Variants in RPSA2 observed in about 807,000 individuals in gnomAD.
The protein encoded by RPSA2 is small ribosomal subunit protein uS2B.
At chr19:23,796,108 C>T in the RPSA2 span, among the ~76,000 whole-genome samples, 11 of 152,164 alleles carry the variant, frequency 7.2e-5, no homozygotes, top group African/African-American at 2.7e-4. Context: ...GAGAGTTTGT[C>T]ATAAATAACT....
chr19:23,861,975 C>G, the RPSA2 span, among the ~76,000 whole-genome samples: 33 of 152,150 alleles, frequency 2.2e-4, no homozygotes, highest in Non-Finnish European at 1.3e-4. Context: ...GAAGCACAGT[C>G]CTTTTTCATG....
the RPSA2 span, chr19:23,808,954 T>G: frequency 8.0e-6 from 2 of 248,974 alleles, no homozygotes; most frequent in South Asian, 5.1e-5. Context: ...AATTATACTC[T>G]CACGTAGGGG....
the RPSA2 span, among the ~76,000 whole-genome samples, chr19:23,801,646 C>A: frequency 0.022 from 3,334 of 152,200 alleles, 130 homozygotes; most frequent in African/African-American, 0.076. Context: ...TTCACTATTG[C>A]CAAAAGTAGG....
chr19:23,795,729 G>C, the RPSA2 span, among the ~76,000 whole-genome samples: 4 of 152,104 alleles, frequency 2.6e-5, no homozygotes, highest in African/African-American at 4.8e-5. Context: ...TTGAGAGAAG[G>C]CATCTTTGCC....
the RPSA2 span, among the ~76,000 whole-genome samples, chr19:23,815,646 C>T: frequency 3.3e-5 from 5 of 152,140 alleles, no homozygotes; most frequent in Non-Finnish European, 7.4e-5. Context: ...AGGTATTCCT[C>T]TATATGCAAA....
chr19:23,763,724 C>T, the RPSA2 span, among the ~76,000 whole-genome samples: 1 of 152,148 alleles, frequency 6.6e-6, no homozygotes, highest in Non-Finnish European at 1.5e-5. Flanking sequence ...GCCTTGGCCC[C>T]CCAAAGTGCT....
chr19:23,770,930 C>T, the RPSA2 span, among the ~76,000 whole-genome samples: 1,072 of 152,268 alleles, frequency 7.0e-3, 12 homozygotes, highest in African/African-American at 0.024. Flanking sequence ...TGATGCATAT[C>T]TTATCCAAAC....
the RPSA2 span, among the ~76,000 whole-genome samples, chr19:23,852,345 GACACACAC>G: frequency 1.3e-5 from 2 of 151,526 alleles, no homozygotes; most frequent in African/African-American, 2.4e-5. Flanking sequence ...AGGAATTAAA[GACACACAC>G]ACACACACAC....
At chr19:23,794,882 C>T in the RPSA2 span, among the ~76,000 whole-genome samples, 1 of 152,134 alleles carries the variant, frequency 6.6e-6, no homozygotes, top group Non-Finnish European at 1.5e-5. Flanking sequence ...AATAAAGTTT[C>T]AGTCTTCTAC....
At chr19:23,869,596 C>T in the RPSA2 span, among the ~76,000 whole-genome samples, 1 of 152,184 alleles carries the variant, frequency 6.6e-6, no homozygotes, top group South Asian at 2.1e-4. Context: ...ATGACACAAA[C>T]TTCACTGCCA....
At chr19:23,854,896 G>C in the RPSA2 span, among the ~76,000 whole-genome samples, 57 of 152,278 alleles carry the variant, frequency 3.7e-4, no homozygotes, top group African/African-American at 1.2e-3. Context: ...TTTGTCGTTG[G>C]ATGGAACGAA....
chr19:23,786,383 A>T, the RPSA2 span, among the ~76,000 whole-genome samples: 1 of 152,132 alleles, frequency 6.6e-6, no homozygotes, highest in African/African-American at 2.4e-5. Flanking sequence ...GCCTGGTCCC[A>T]GTCTGAAGAT....
the RPSA2 span, among the ~76,000 whole-genome samples, chr19:23,848,642 T>C: frequency 1.2e-4 from 19 of 152,364 alleles, no homozygotes; most frequent in Admixed American, 1.2e-3. Context: ...TCAGTCTTGT[T>C]GTAGGAATAT....
chr19:23,863,522 C>A, the RPSA2 span, among the ~76,000 whole-genome samples: 1 of 143,716 alleles, frequency 7.0e-6, no homozygotes, highest in Non-Finnish European at 1.5e-5. Flanking sequence ...TAAGATCACA[C>A]CACTGTACTC....
chr19:23,774,759 C>T, the RPSA2 span, among the ~76,000 whole-genome samples: 2 of 152,198 alleles, frequency 1.3e-5, no homozygotes, highest in Middle Eastern at 3.2e-3. Flanking sequence ...TCACTGGTCT[C>T]AGCACCCATG....
At chr19:23,866,820 C>T in the RPSA2 span, among the ~76,000 whole-genome samples, 1 of 152,166 alleles carries the variant, frequency 6.6e-6, no homozygotes, top group Admixed American at 6.5e-5. Context: ...ACAAACCTTC[C>T]AAAGTTCCCA....
At chr19:23,840,128 C>A in the RPSA2 span, among the ~76,000 whole-genome samples, 2 of 152,172 alleles carry the variant, frequency 1.3e-5, no homozygotes, top group African/African-American at 2.4e-5. Context: ...ATGAATGTGT[C>A]CCAGGTCAAA....
the RPSA2 span, among the ~76,000 whole-genome samples, chr19:23,820,788 G>T: frequency 2.0e-5 from 3 of 152,290 alleles, no homozygotes; most frequent in East Asian, 5.8e-4. Flanking sequence ...TCTTGTTAGA[G>T]CTATCAGCTC....
the RPSA2 span, among the ~76,000 whole-genome samples, chr19:23,860,506 T>C: frequency 1.3e-5 from 2 of 152,136 alleles, no homozygotes; most frequent in Non-Finnish European, 2.9e-5. Flanking sequence ...AAGGCACTGG[T>C]GAATTTTAGA....
Sources: gnomAD v4.1 joint callset for allele counts (sites outside exome capture counted in the v4.1 genomes callset) on GRCh38, gnomAD v4.1.1 for gene constraint, MANE v1.5 for transcripts, NCBI Gene and HGNC (gene_info 2026-07-23, HGNC 2026-07-21) for gene names.